ERC2: variants seen among roughly 807,000 people sequenced by gnomAD.
The protein encoded by ERC2 is ELKS/RAB6-interacting/CAST family member 2.
In ERC2, 42 loss-of-function variants were observed where a neutral mutation model predicts 114.8. The ratio of observed to expected loss-of-function variants is 0.37; its 90% CI spans 0.29 to 0.47. The LOEUF is 0.47. Ranked by LOEUF, ERC2 falls within the 20% of genes least tolerant of loss-of-function variation. ERC2 has a pLI of 0.99. For missense variants in ERC2, 939 were observed against 1,150.7 expected, an observed-to-expected ratio of 0.82 and a Z score of 2.66; for synonymous variants, 454 against 425.5, an observed-to-expected ratio of 1.07 and a Z score of -0.82.
At chr3:55,749,678 G>A (rs764131095) in intron 14 of ERC2, among the ~76,000 whole-genome samples, 3 of 152,136 alleles carry the variant, frequency 2.0e-5, no homozygotes, top group Non-Finnish European at 2.9e-5. Context: ...CGGGCACTCC[G>A]ATAGGACAGA....
chr3:55,973,797 T>G (rs547551668), intron 12 of ERC2, among the ~76,000 whole-genome samples: 1 of 152,236 alleles, frequency 6.6e-6, no homozygotes, highest in South Asian at 2.1e-4. Context: ...TCCCCCAAAT[T>G]ACATTAAAAA....
At chr3:55,770,673 G>A (rs2068129021) in intron 14 of ERC2, among the ~76,000 whole-genome samples, 1 of 152,044 alleles carries the variant, frequency 6.6e-6, no homozygotes, top group South Asian at 2.1e-4. Context: ...AGAATGTGCA[G>A]GTTTGTTACA....
chr3:56,438,718 G>T (rs1220300012), intron 1 of ERC2, among the ~76,000 whole-genome samples: 1 of 152,112 alleles, frequency 6.6e-6, no homozygotes, highest in South Asian at 2.1e-4. Flanking sequence ...TCCTCTGTCT[G>T]CTCCCTTTGT....
At chr3:56,246,054 A>G (rs1296640323) in intron 3 of ERC2, among the ~76,000 whole-genome samples, 8 of 147,622 alleles carry the variant, frequency 5.4e-5, no homozygotes. Context: ...TTCCTTAGTG[A>G]TATTTCTTCC....
chr3:56,175,709 G>C (rs2082941494), intron 3 of ERC2, among the ~76,000 whole-genome samples: 1 of 152,050 alleles, frequency 6.6e-6, no homozygotes, highest in South Asian at 2.1e-4. Flanking sequence ...TGCAGAATTG[G>C]GAAGGGAGAC....
chr3:56,135,907 G>A (rs978531654), intron 6 of ERC2, among the ~76,000 whole-genome samples: 11 of 152,158 alleles, frequency 7.2e-5, no homozygotes, highest in African/African-American at 2.4e-4. Context: ...GGGTAAGTTG[G>A]TACAAAGGAA....
chr3:56,439,180 T>C (rs1337641910), intron 1 of ERC2, among the ~76,000 whole-genome samples: 1 of 152,220 alleles, frequency 6.6e-6, no homozygotes, highest in South Asian at 2.1e-4. Flanking sequence ...GAATGTTGAC[T>C]CCTGCTGTAA....
intron 2 of ERC2, among the ~76,000 whole-genome samples, chr3:56,409,511 T>C (rs1214282026): frequency 1.8e-5 from 2 of 114,246 alleles, no homozygotes; most frequent in Non-Finnish European, 3.5e-5. Flanking sequence ...AAACTAAAGC[T>C]AGACAGAAAA....
At chr3:55,639,244 G>A (rs1453265464) in intron 17 of ERC2, among the ~76,000 whole-genome samples, 1 of 152,172 alleles carries the variant, frequency 6.6e-6, no homozygotes. Context: ...GGTAGGAGAA[G>A]AGCACTACCT....
intron 17 of ERC2, among the ~76,000 whole-genome samples, chr3:55,580,291 G>A (rs904072289): frequency 1.3e-5 from 2 of 151,904 alleles, no homozygotes; most frequent in Admixed American, 6.6e-5. Flanking sequence ...TGGGGAGGGG[G>A]TAGTGCTGCC....
chr3:55,745,542 T>G (rs1237173263), intron 14 of ERC2, among the ~76,000 whole-genome samples: 4 of 152,244 alleles, frequency 2.6e-5, no homozygotes, highest in Non-Finnish European at 4.4e-5. Flanking sequence ...TGGTCATTCT[T>G]GTTATTCCCG....
intron 2 of ERC2, among the ~76,000 whole-genome samples, chr3:56,386,397 T>C (rs1483669053): frequency 2.0e-5 from 3 of 152,144 alleles, no homozygotes; most frequent in Admixed American, 6.5e-5. Context: ...ACTTTTCTTT[T>C]AGTTTATTTT....
At chr3:55,545,190 C>T (rs371471393) in intron 17 of ERC2, among the ~76,000 whole-genome samples, 25 of 152,330 alleles carry the variant, frequency 1.6e-4, no homozygotes, top group African/African-American at 5.5e-4. Flanking sequence ...CACTCCACCA[C>T]GGCCACATCT....
intron 2 of ERC2, among the ~76,000 whole-genome samples, chr3:56,375,236 C>T (rs73832720): frequency 0.02 from 3,014 of 152,210 alleles, 99 homozygotes; most frequent in African/African-American, 0.067. Context: ...CATGGGAGAG[C>T]GGGAAAGGGA....
At chr3:56,130,223 A>T (rs2080122396) in intron 6 of ERC2, among the ~76,000 whole-genome samples, 1 of 152,172 alleles carries the variant, frequency 6.6e-6, no homozygotes, top group Non-Finnish European at 1.5e-5. Context: ...CTGAATAGCC[A>T]TTCTGATTTC....
At chr3:55,802,213 G>A (rs771375070) in intron 14 of ERC2, among the ~76,000 whole-genome samples, 68 of 152,126 alleles carry the variant, frequency 4.5e-4, no homozygotes, top group Non-Finnish European at 8.7e-4. Context: ...TATCCTGAAC[G>A]TTATTAACTG....
intron 1 of ERC2, among the ~76,000 whole-genome samples, chr3:56,465,698 A>G (rs1340512485): frequency 6.6e-6 from 1 of 152,256 alleles, no homozygotes; most frequent in Non-Finnish European, 1.5e-5. Flanking sequence ...ATTTTTATCG[A>G]GCCAAAATTT....
intron 17 of ERC2, among the ~76,000 whole-genome samples, chr3:55,540,898 C>G (rs779485126): frequency 8.5e-5 from 13 of 152,204 alleles, no homozygotes; most frequent in Non-Finnish European, 1.9e-4. Flanking sequence ...TTCCTTACTT[C>G]CCAGTCACTG....
chr3:55,640,253 T>C (rs1281082787), intron 17 of ERC2, among the ~76,000 whole-genome samples: 3 of 152,208 alleles, frequency 2.0e-5, no homozygotes, highest in Non-Finnish European at 4.4e-5. Context: ...GGAATGAGAT[T>C]CCAGGTTTTT....
Sources: gnomAD v4.1 joint callset for allele counts (sites outside exome capture counted in the v4.1 genomes callset) on GRCh38, gnomAD v4.1.1 for gene constraint, MANE v1.5 for transcripts, NCBI Gene and HGNC (gene_info 2026-07-23, HGNC 2026-07-21) for gene names.